The following PRMT9 variants were observed in gnomAD, a reference collection of about 807,000 sequenced individuals.
PRMT9 encodes the protein protein arginine N-methyltransferase 9.
PRMT9 carries 59 observed loss-of-function variants against 83.2 expected under a neutral mutation model. The ratio of observed to expected loss-of-function variants is 0.71; its 90% CI spans 0.57 to 0.88. The LOEUF (loss-of-function observed/expected upper bound fraction) is 0.88, where lower values mean the gene tolerates loss of function less well. Ranked by LOEUF, PRMT9 falls within the 40% of genes least tolerant of loss-of-function variation. The probability of loss-of-function intolerance (pLI) is 0.00; values close to 1 mark genes in which losing one functional copy is unlikely to be tolerated. For missense variants in PRMT9, 947 were observed against 1,021.9 expected, an observed-to-expected ratio of 0.93 and a Z score of 1.00; for synonymous variants, 333 against 353.2, an observed-to-expected ratio of 0.94 and a Z score of 0.64.
At chr4:147,669,237 G>T (rs76258152) in intron 5 of PRMT9, among the ~76,000 whole-genome samples, 85 of 5,142 alleles carry the variant, frequency 0.017, 1 homozygote, top group Middle Eastern at 0.5. Flanking sequence ...GAAAAAAAAT[G>T]TTTTTTTTAA....
At chr4:147,664,324 TC>T (rs1735171712) in intron 6 of PRMT9, among the ~76,000 whole-genome samples, 1 of 152,198 alleles carries the variant, frequency 6.6e-6, no homozygotes, top group Non-Finnish European at 1.5e-5. Context: ...ATAGTTTTTT[TC>T]CCCAATACAG....
At chr4:147,663,837 T>C (rs1471885348) in intron 6 of PRMT9, among the ~76,000 whole-genome samples, 2 of 152,222 alleles carry the variant, frequency 1.3e-5, no homozygotes, top group African/African-American at 4.8e-5. Context: ...TAACACTCTA[T>C]TTGTACATTA....
rs533863297 is a variant in PRMT9 at position 147,673,044 on chromosome 4, C to T, written c.658G>A (p.Val220Met). The T allele has an allele frequency of 1.1e-5, 17 of 1,613,826 alleles. No homozygotes were observed. The highest frequency in any genetic ancestry group is 4.5e-5 in the East Asian group (2 of 44,848). The change falls in exon 4 of 12, where the codon GTG becomes ATG. Residue 220 changes from valine to methionine, a missense_variant. Physicochemically the swap from Val to Met is conservative, Grantham distance 21. Coordinates refer to ENST00000322396, the MANE Select transcript of PRMT9 (RefSeq NM_138364.4). Reference sequence around the variant, plus strand: ...CCTGCTTCCATCTTGTTTGCTGCCACGACATCACAGGCAAGTTCATACATG... The same window carrying T: ...CCTGCTTCCATCTTGTTTGCTGCCATGACATCACAGGCAAGTTCATACATG... ...KTMYELACDV[V>M]AANKMEAGIK...
chr4:147,657,811 G>T lies in PRMT9; in HGVS notation c.1311C>A (p.Tyr437Ter), dbSNP rs764165609. Reference protein sequence around the residue: ...SEETCWEQAVYPVQDLADYWI... With the variant: ...SEETCWEQAV Reference sequence around the variant, plus strand: ...ACCTACCTGCAAGGTCCTGTACGGGGTAGACAGCCTGTTCCCAACATGTTT... The same window carrying T: ...ACCTACCTGCAAGGTCCTGTACGGGTTAGACAGCCTGTTCCCAACATGTTT... Residue 437 changes from tyrosine to a stop codon, truncating the protein, a stop_gained, in exon 8 of 12, where the codon TAC (tyrosine) becomes TAA (stop). Transcript: ENST00000322396. LOFTEE classifies it high-confidence loss of function. The T allele has an allele frequency of 1.2e-6, 2 of 1,612,076 alleles. No individual in the cohort carries two copies. Among genetic ancestry groups the T allele is most frequent in the Non-Finnish European group, 8.5e-7 (1 of 1,179,656 alleles).
chr4:147,640,543 A>C (rs921579213), intron 10 of PRMT9, among the ~76,000 whole-genome samples: 3 of 152,058 alleles, frequency 2.0e-5, no homozygotes, highest in African/African-American at 7.2e-5. Flanking sequence ...GCCAAATTTA[A>C]ATCTTCAGCC....
At chr4:147,678,483 A>G (rs1243793664) in intron 2 of PRMT9, among the ~76,000 whole-genome samples, 1 of 152,236 alleles carries the variant, frequency 6.6e-6, no homozygotes, top group Non-Finnish European at 1.5e-5. Flanking sequence ...ATGTACTAGT[A>G]TGCAGAGTTA....
At chr4:147,655,117 C>A (rs1358163701) in intron 8 of PRMT9, among the ~76,000 whole-genome samples, 1 of 152,136 alleles carries the variant, frequency 6.6e-6, no homozygotes, top group Non-Finnish European at 1.5e-5. Context: ...AGAACCAAGT[C>A]CTACAATAAA....
At chr4:147,676,245 C>T (rs1041101872) in intron 2 of PRMT9, among the ~76,000 whole-genome samples, 1 of 152,170 alleles carries the variant, frequency 6.6e-6, no homozygotes, top group Non-Finnish European at 1.5e-5. Context: ...TAGAGTTCCA[C>T]TTTTCTGTTA....
At chr4:147,639,796 G>A (rs374904603) in intron 10 of PRMT9, among the ~76,000 whole-genome samples, 3 of 152,096 alleles carry the variant, frequency 2.0e-5, no homozygotes, top group African/African-American at 7.2e-5. Context: ...TGTATAAGGC[G>A]AAACAGGACA....
At position 147,657,797 on chromosome 4, in the gene PRMT9, A is replaced by AG; in HGVS notation, c.1324dup (p.Leu442ProfsTer29). The AG allele has an allele frequency of 6.2e-7, 1 of 1,612,310 alleles. No homozygotes were observed. Among genetic ancestry groups the AG allele is most frequent in the African/African-American group, 1.3e-5 (1 of 74,474 alleles). The stretch of plus-strand genomic sequence containing the variant: ...AAAAAATGGACAAGACCTACCTGCA[A>AG]GGTCCTGTACGGGGTAGACAGCCTG... On this transcript the variant is annotated frameshift_variant, in exon 8 of 12. Coordinates refer to ENST00000322396, the MANE Select transcript of PRMT9 (RefSeq NM_138364.4). LOFTEE classifies it high-confidence loss of function.
intron 10 of PRMT9, among the ~76,000 whole-genome samples, chr4:147,641,224 A>G (rs562605371): frequency 1.3e-5 from 2 of 152,226 alleles, no homozygotes; most frequent in African/African-American, 4.8e-5. Context: ...AATACCCTCC[A>G]GTTGTTTCCT....
intron 8 of PRMT9, among the ~76,000 whole-genome samples, chr4:147,657,524 T>TAAA: frequency 7.2e-6 from 1 of 139,360 alleles, no homozygotes; most frequent in South Asian, 2.3e-4. Flanking sequence ...ACTCTGTCGT[T>TAAA]AAAAAAAAAA....
At chr4:147,657,128 A>C (rs1379981439) in intron 8 of PRMT9, among the ~76,000 whole-genome samples, 1 of 152,110 alleles carries the variant, frequency 6.6e-6, no homozygotes, top group Non-Finnish European at 1.5e-5. Context: ...GGCTCCACAG[A>C]CGTTATCGGC....
At chr4:147,672,134 T>C (rs1221466940) in intron 4 of PRMT9, 1 of 290,658 alleles carries the variant, frequency 3.4e-6, no homozygotes, top group Non-Finnish European at 6.8e-6. Flanking sequence ...AAAATGGGTA[T>C]GACATTTGCA....
At chr4:147,639,650 A>G (rs548584655) in intron 10 of PRMT9, among the ~76,000 whole-genome samples, 4 of 152,284 alleles carry the variant, frequency 2.6e-5, no homozygotes, top group African/African-American at 7.2e-5. Flanking sequence ...GATGTTTCCA[A>G]TGTACAAAGT....
At position 147,653,877 on chromosome 4, in the gene PRMT9, T is replaced by C; in HGVS notation, c.2020A>G (p.Ile674Val). 1 of 1,613,962 alleles carries C rather than the reference T, an allele frequency of 6.2e-7. No individual in the cohort carries two copies. Among genetic ancestry groups the C allele is most frequent in the Non-Finnish European group, 8.5e-7 (1 of 1,179,858 alleles). Residue 674 changes from isoleucine to valine, a missense_variant, in exon 9 of 12, where the codon ATA becomes GTA. Transcript: ENST00000322396. The part of the protein sequence containing the change: ...IEPSGLIQQE[I>V]MEKAAISRCL... ...CTGGATATTGCAGCTTTTTCCATTA[T>C]TTCCTGCTGAATGAGCCCAGATGGC...
rs767015993 is a variant in PRMT9 at position 147,654,119 on chromosome 4, A to G, written c.1778T>C (p.Val593Ala). 1 of 1,614,216 alleles carries G rather than the reference A, an allele frequency of 6.2e-7. No homozygotes were observed. The highest frequency in any genetic ancestry group is 1.1e-5 in the South Asian group (1 of 91,088). The change falls in exon 9 of 12, where the codon GTT becomes GCT. Residue 593 changes from valine (V) to alanine (A), a missense_variant. By Grantham distance (64) the Val-to-Ala change is moderately conservative. Coordinates refer to ENST00000322396, the MANE Select transcript of PRMT9 (RefSeq NM_138364.4). ...YVLDVSEGFSVLPVIAGTLGQ... is the reference protein window; with the variant it reads ...YVLDVSEGFSALPVIAGTLGQ... ...AAGTGTGCCAGCAATAACAGGCAGA[A>G]CAGAGAAGCCTTCGGACACATCTAA... is the stretch of plus-strand genomic sequence containing the variant.
intron 9 of PRMT9, among the ~76,000 whole-genome samples, chr4:147,645,173 T>C (rs1469353829): frequency 6.6e-6 from 1 of 152,202 alleles, no homozygotes; most frequent in East Asian, 1.9e-4. Flanking sequence ...AAATAGATCA[T>C]TAAAACCTAA....
rs1451251955 is a variant in PRMT9, at chr4:147,638,504, TAC to T, written c.*26_*27del. On this transcript the variant is annotated 3_prime_UTR_variant, in exon 12 of 12. Coordinates refer to ENST00000322396, the MANE Select transcript of PRMT9 (RefSeq NM_138364.4). Reference sequence around the variant, plus strand: ...ATTTTGTACTTGTTGATGCTCTATTTACACAGTTTTCATTGGAAAACTGCTCT... The same window carrying T: ...ATTTTGTACTTGTTGATGCTCTATTTACAGTTTTCATTGGAAAACTGCTCT... 9 of 1,564,998 alleles carry T rather than the reference TAC, an allele frequency of 5.8e-6. No homozygotes were observed. Among genetic ancestry groups the T allele is most frequent in the Non-Finnish European group, 7.0e-6 (8 of 1,136,002 alleles).
Sources: gnomAD v4.1 joint callset for allele counts (sites outside exome capture counted in the v4.1 genomes callset) on GRCh38, gnomAD v4.1.1 for gene constraint, MANE v1.5 for transcripts, NCBI Gene and HGNC (gene_info 2026-07-23, HGNC 2026-07-21) for gene names.